Variants in KCNK10 observed in about 807,000 individuals in gnomAD.
KCNK10 encodes the protein potassium two pore domain channel subfamily K member 10.
A neutral mutation model predicts 47.7 loss-of-function variants in KCNK10; 25 were observed. The observed-to-expected ratio is 0.52, with a 90% CI of 0.38 to 0.73. The LOEUF is 0.73. KCNK10 is among the 30% of genes least tolerant of loss of function. The pLI is 0.00. For missense variants in KCNK10, 563 were observed against 714.5 expected (o/e 0.79, Z 2.42); for synonymous variants, 303 against 285.6 (o/e 1.06, Z -0.61).
intron 5 of KCNK10, among the ~76,000 whole-genome samples, chr14:88,188,425 G>A (rs1884642881): frequency 6.6e-6 from 1 of 152,084 alleles, no homozygotes; most frequent in African/African-American, 2.4e-5. Flanking sequence ...CTGAACTACA[G>A]GACAACAGAT....
At chr14:88,310,580 T>C (rs1051410726) in intron 1 of KCNK10, among the ~76,000 whole-genome samples, 4 of 152,162 alleles carry the variant, frequency 2.6e-5, no homozygotes, top group African/African-American at 9.7e-5. Context: ...GTACTGAGGC[T>C]GAATGCAGAG....
chr14:88,232,711 C>T (rs1377623524), intron 3 of KCNK10, among the ~76,000 whole-genome samples: 2 of 152,226 alleles, frequency 1.3e-5, no homozygotes, highest in African/African-American at 2.4e-5. Context: ...GACCCTATCT[C>T]TAGTGTTAAC....
intron 4 of KCNK10, among the ~76,000 whole-genome samples, chr14:88,201,929 T>C (rs1210743490): frequency 6.6e-6 from 1 of 152,222 alleles, no homozygotes; most frequent in East Asian, 1.9e-4. Context: ...GATAAAGTAG[T>C]CAACAGTGCC....
chr14:88,277,847 C>A (rs1166221426), intron 1 of KCNK10, among the ~76,000 whole-genome samples: 2 of 152,196 alleles, frequency 1.3e-5, no homozygotes, highest in African/African-American at 4.8e-5. Context: ...CCTCACTCCA[C>A]TCCCCAAAAT....
intron 4 of KCNK10, among the ~76,000 whole-genome samples, chr14:88,218,786 G>C (rs1292596928): frequency 6.6e-6 from 1 of 152,044 alleles, no homozygotes; most frequent in African/African-American, 2.4e-5. Flanking sequence ...CCCACAGCAG[G>C]GGAGAAAGAG....
chr14:88,235,398 T>C (rs781402293), intron 3 of KCNK10: 2 of 351,690 alleles, frequency 5.7e-6, no homozygotes, highest in Non-Finnish European at 1.1e-5. Context: ...ACCAGAAAAA[T>C]GTTTCCAAAA....
chr14:88,270,770 C>T (rs1295963638), intron 1 of KCNK10: 2 of 781,058 alleles, frequency 2.6e-6, no homozygotes, highest in South Asian at 2.7e-5. Context: ...AGTCCTGTCC[C>T]CCTTAAATCC....
At chr14:88,212,109 AATATATAT>A (rs34318518) in intron 4 of KCNK10, among the ~76,000 whole-genome samples, 42,342 of 133,524 alleles carry the variant, frequency 0.32, 7,095 homozygotes, top group Non-Finnish European at 0.36. Flanking sequence ...TGATAGTGAG[AATATATAT>A]ATATATATAT....
At chr14:88,189,300 C>T (rs1884672874) in intron 5 of KCNK10, among the ~76,000 whole-genome samples, 1 of 152,162 alleles carries the variant, frequency 6.6e-6, no homozygotes, top group Non-Finnish European at 1.5e-5. Context: ...CTGTGCCAAG[C>T]CCCCTTCGGT....
At chr14:88,316,372 C>A (rs1411515125) in intron 1 of KCNK10, among the ~76,000 whole-genome samples, 1 of 152,140 alleles carries the variant, frequency 6.6e-6, no homozygotes, top group East Asian at 1.9e-4. Flanking sequence ...GATGTTCTAG[C>A]AAGTAAATAT....
chr14:88,273,975 CA>C (rs1887468803), intron 1 of KCNK10, among the ~76,000 whole-genome samples: 1 of 152,088 alleles, frequency 6.6e-6, no homozygotes, highest in South Asian at 2.1e-4. Context: ...CCATTCCTTC[CA>C]GATGTCTTTC....
At chr14:88,325,022 G>C (rs549118662), upstream of KCNK10, among the ~76,000 whole-genome samples, 185 of 152,216 alleles carry the variant, frequency 1.2e-3, no homozygotes, top group African/African-American at 4.3e-3. Context: ...GCAGGTTCCC[G>C]GGTGCTTCAG....
At chr14:88,217,388 C>T (rs371439484) in intron 4 of KCNK10, among the ~76,000 whole-genome samples, 2 of 152,298 alleles carry the variant, frequency 1.3e-5, no homozygotes, top group African/African-American at 4.8e-5. Context: ...CCCTCCTCCC[C>T]TGCCTCTTTG....
intron 4 of KCNK10, among the ~76,000 whole-genome samples, chr14:88,200,172 T>C (rs1055363386): frequency 2.0e-5 from 3 of 151,890 alleles, no homozygotes; most frequent in African/African-American, 4.8e-5. Context: ...TCCTTCCTTC[T>C]TTTTTTAGAC....
chr14:88,200,191 T>C (rs1192497571), intron 4 of KCNK10, among the ~76,000 whole-genome samples: 1 of 151,914 alleles, frequency 6.6e-6, no homozygotes, highest in African/African-American at 2.4e-5. Flanking sequence ...ACAAATACTT[T>C]TAATGTAAGC....
At chr14:88,272,734 C>T (rs1887435356) in intron 1 of KCNK10, among the ~76,000 whole-genome samples, 4 of 151,888 alleles carry the variant, frequency 2.6e-5, no homozygotes, top group Admixed American at 2.0e-4. Flanking sequence ...GGCAGCAGTG[C>T]GTAAGAGACA....
intron 4 of KCNK10, among the ~76,000 whole-genome samples, chr14:88,215,429 G>A (rs1250935978): frequency 6.6e-6 from 1 of 152,100 alleles, no homozygotes; most frequent in East Asian, 1.9e-4. Context: ...AGAGCAGCAT[G>A]GGAATAATCT....
chr14:88,204,321 TG>T (rs1161318572), intron 4 of KCNK10, among the ~76,000 whole-genome samples: 1 of 152,180 alleles, frequency 6.6e-6, no homozygotes, highest in Non-Finnish European at 1.5e-5. Context: ...AACCCTTCCT[TG>T]GAGGGAAAAC....
chr14:88,193,413 G>GACTCTAAGCTGAAAA (rs1295443169), intron 4 of KCNK10, among the ~76,000 whole-genome samples: 1 of 152,150 alleles, frequency 6.6e-6, no homozygotes, highest in South Asian at 2.1e-4. Flanking sequence ...CACTGGAATT[G>GACTCTAAGCTGAAAA]ACTCTAAGCT....
Sources: gnomAD v4.1 joint callset for allele counts (sites outside exome capture counted in the v4.1 genomes callset) on GRCh38, gnomAD v4.1.1 for gene constraint, MANE v1.5 for transcripts, NCBI Gene and HGNC (gene_info 2026-07-23, HGNC 2026-07-21) for gene names.